Variants in ANXA4 observed in about 807,000 individuals in gnomAD.
ANXA4 encodes the protein 35-beta calcimedin.
ANXA4 carries 39 observed loss-of-function variants against 49.8 expected under a neutral mutation model. The ratio of observed to expected loss-of-function variants is 0.78; its 90% CI spans 0.61 to 1.02. ANXA4 has a LOEUF of 1.02. ANXA4 is among the 50% of genes least tolerant of loss of function. ANXA4 has a pLI of 0.00. For missense variants in ANXA4, 360 were observed against 410.1 expected, an observed-to-expected ratio of 0.88 and a Z score of 1.05; for synonymous variants, 134 against 152.5, an observed-to-expected ratio of 0.88 and a Z score of 0.89.
intron 1 of ANXA4, among the ~76,000 whole-genome samples, chr2:69,652,809 A>G (rs1301794926): frequency 6.6e-6 from 1 of 152,218 alleles, no homozygotes; most frequent in Non-Finnish European, 1.5e-5. Context: ...TGGTGAACCC[A>G]GACAGTGCCA....
intron 3 of ANXA4, among the ~76,000 whole-genome samples, chr2:69,722,060 TA>T (rs902189921): frequency 9.3e-5 from 14 of 151,334 alleles, no homozygotes; most frequent in Admixed American, 2.6e-4. Context: ...GAAGATTAAA[TA>T]AAAAAAAATG....
intron 2 of ANXA4, among the ~76,000 whole-genome samples, chr2:69,703,189 G>A (rs927559264): frequency 6.6e-6 from 1 of 151,050 alleles, no homozygotes. Context: ...CTGACCTCAT[G>A]TGTGGGTCAG....
chr2:69,730,468 C>T (rs976674997), intron 3 of ANXA4, among the ~76,000 whole-genome samples: 3 of 152,214 alleles, frequency 2.0e-5, no homozygotes, highest in Admixed American at 2.0e-4. Context: ...TACCATTGCA[C>T]TCCAGCCTGG....
Position 69,697,187 on chromosome 2 carries a change from G to T in ANXA4, n.767-23587G>T, listed in dbSNP as rs1573114539. ...CCACCTTCATCTATGATCTTAGCTA[G>T]ATCTTCTGGATAACTTGCTGCAGCT... is the stretch of plus-strand genomic sequence containing the variant. On this transcript the variant is annotated intron_variant and non_coding_transcript_variant, in intron 2 of 3. Transcript: ENST00000418066. Among the ~76,000 whole-genome samples the T allele has an allele frequency of 3.3e-5, 5 of 152,300 alleles. No homozygotes were observed. In the South Asian group the frequency reaches 1.0e-3, roughly 32 times the overall value.
chr2:69,701,391 A>G (rs1678325857), intron 2 of ANXA4, among the ~76,000 whole-genome samples: 3 of 152,056 alleles, frequency 2.0e-5, no homozygotes, highest in African/African-American at 7.2e-5. Context: ...CCCTCCCGCT[A>G]GCAAACACCA....
chr2:69,698,629 C>G (rs1168508252), intron 2 of ANXA4, among the ~76,000 whole-genome samples: 1 of 152,126 alleles, frequency 6.6e-6, no homozygotes, highest in Non-Finnish European at 1.5e-5. Context: ...TCGGCTCTGA[C>G]TAGGTGGGGC....
At chr2:69,679,565 C>T (rs1251880199) in intron 2 of ANXA4, among the ~76,000 whole-genome samples, 1 of 151,940 alleles carries the variant, frequency 6.6e-6, no homozygotes, top group African/African-American at 2.4e-5. Flanking sequence ...GAGGTCTTAG[C>T]CATAAACTCT....
chr2:69,781,134 C>G (rs1672183484), intron 1 of ANXA4: 1 of 196,392 alleles, frequency 5.1e-6, no homozygotes, highest in South Asian at 9.5e-5. Flanking sequence ...CTGTACTTTC[C>G]TCTGATGCAG....
chr2:69,808,147 G>C (rs1339500274), intron 6 of ANXA4, 151 bp downstream of exon 6: 7 of 698,188 alleles, frequency 1.0e-5, no homozygotes, highest in Non-Finnish European at 1.4e-5. Context: ...GGAGATCCCT[G>C]TTTAGCCAAA....
chr2:69,724,060 C>T (rs1371983524), intron 3 of ANXA4, among the ~76,000 whole-genome samples: 2 of 152,132 alleles, frequency 1.3e-5, no homozygotes, highest in Non-Finnish European at 2.9e-5. Flanking sequence ...GCGGAGGTTG[C>T]GGTAAGCCAA....
At chr2:69,643,954 T>C (rs1675885839), upstream of ANXA4, 2 of 1,052,360 alleles carry the variant, frequency 1.9e-6, no homozygotes, top group South Asian at 9.4e-5. Flanking sequence ...TGGAAAAGAC[T>C]GTTGATATCA....
chr2:69,673,551 A>G (rs1312940574), intron 2 of ANXA4, among the ~76,000 whole-genome samples: 1 of 152,048 alleles, frequency 6.6e-6, no homozygotes, highest in African/African-American at 2.4e-5. Flanking sequence ...GAAATACCCA[A>G]TGTAGATGAC....
intron 2 of ANXA4, among the ~76,000 whole-genome samples, chr2:69,676,335 G>T (rs1677412782): frequency 6.6e-6 from 1 of 152,152 alleles, no homozygotes; most frequent in South Asian, 2.1e-4. Flanking sequence ...GGGAGGCCCA[G>T]AATTGGTAAT....
chr2:69,790,357 G>T (rs1672631714), intron 3 of ANXA4, among the ~76,000 whole-genome samples: 1 of 152,006 alleles, frequency 6.6e-6, no homozygotes. Context: ...GCTCCTCCTG[G>T]GGTTGATTTA....
At chr2:69,735,630 A>T (rs952394564) in intron 3 of ANXA4, among the ~76,000 whole-genome samples, 3 of 151,888 alleles carry the variant, frequency 2.0e-5, no homozygotes, top group African/African-American at 7.3e-5. Context: ...CCCTATTTGC[A>T]TGTCTTGGGC....
chr2:69,648,110 AT>A (rs1328101592), intron 1 of ANXA4, among the ~76,000 whole-genome samples: 1 of 152,238 alleles, frequency 6.6e-6, no homozygotes, highest in African/African-American at 2.4e-5. Context: ...ACCACCATTA[AT>A]TAAAATCCTT....
chr2:69,685,618 G>A (rs1325744749), intron 2 of ANXA4, among the ~76,000 whole-genome samples: 1 of 152,166 alleles, frequency 6.6e-6, no homozygotes, highest in African/African-American at 2.4e-5. Context: ...ATGGCAGAAC[G>A]AAAATTCCTA....
rs533449632 is a variant in ANXA4 at position 69,788,645 on chromosome 2, G to A, written c.97+504G>A. On this transcript the variant is annotated intron_variant, in intron 3 of 12. Transcript: ENST00000394295. ...GAGGTCAGGAGATCGAGACCATCCT[G>A]GCTAACACGGTGAAACCCCGTCTCT... Among the ~76,000 whole-genome samples the A allele has an allele frequency of 1.8e-3, 268 of 152,048 alleles. 2 individuals are homozygous for A. Among genetic ancestry groups the A allele is most frequent in the Non-Finnish European group, 2.2e-3 (149 of 67,968 alleles).
At chr2:69,814,998 A>G (rs1253745050) in intron 8 of ANXA4, 3 of 152,338 alleles carry the variant, frequency 2.0e-5, no homozygotes, top group African/African-American at 7.2e-5. Context: ...GCAGGAAAAA[A>G]ACTGATGTCC....
Sources: gnomAD v4.1 joint callset for allele counts (sites outside exome capture counted in the v4.1 genomes callset) on GRCh38, gnomAD v4.1.1 for gene constraint, MANE v1.5 for transcripts, NCBI Gene and HGNC (gene_info 2026-07-23, HGNC 2026-07-21) for gene names.